GPATCH2: variants seen among roughly 807,000 people sequenced by gnomAD.
GPATCH2 encodes the protein G patch domain-containing protein 2.
Under a neutral mutation model 58.0 loss-of-function variants are expected in GPATCH2, and 51 were observed. The ratio of observed to expected loss-of-function variants is 0.88; its 90% CI spans 0.70 to 1.11. GPATCH2 has a LOEUF of 1.11. Ranked by LOEUF, GPATCH2 falls within the 50% of genes most tolerant of loss-of-function variation. The pLI is 0.00. For missense variants in GPATCH2, 625 were observed against 652.2 expected, an observed-to-expected ratio of 0.96 and a Z score of 0.45; for synonymous variants, 222 against 218.5, an observed-to-expected ratio of 1.02 and a Z score of -0.14.
chr1:217,583,584 A>T (rs2102748345), intron 5 of GPATCH2, among the ~76,000 whole-genome samples: 1 of 151,584 alleles, frequency 6.6e-6, no homozygotes. Flanking sequence ...AAAAAAAAAA[A>T]AAAAAAAGAT....
intron 8 of GPATCH2, among the ~76,000 whole-genome samples, chr1:217,463,033 A>ATT (rs1660265522): frequency 6.6e-6 from 1 of 152,188 alleles, no homozygotes; most frequent in Non-Finnish European, 1.5e-5. Flanking sequence ...GTTACCCATA[A>ATT]TTTCCCACAA....
intron 8 of GPATCH2, among the ~76,000 whole-genome samples, chr1:217,471,572 A>G (rs943292397): frequency 6.6e-6 from 1 of 152,218 alleles, no homozygotes; most frequent in Non-Finnish European, 1.5e-5. Flanking sequence ...ATCTGCAACA[A>G]AATACAGTGA....
At chr1:217,551,215 C>A (rs1039571869) in intron 5 of GPATCH2, among the ~76,000 whole-genome samples, 1 of 151,814 alleles carries the variant, frequency 6.6e-6, no homozygotes, top group African/African-American at 2.4e-5. Context: ...TAAACAAAGT[C>A]TTTGCTCTTT....
chr1:217,618,480 G>GT (rs1210846314), intron 2 of GPATCH2, among the ~76,000 whole-genome samples: 1 of 151,964 alleles, frequency 6.6e-6, no homozygotes, highest in Non-Finnish European at 1.5e-5. Context: ...AGTGCTGGGA[G>GT]TAAAGGCATG....
intron 1 of GPATCH2, among the ~76,000 whole-genome samples, chr1:217,623,881 G>T (rs1318368882): frequency 6.6e-6 from 1 of 151,870 alleles, no homozygotes; most frequent in African/African-American, 2.4e-5. Context: ...CAGCCTGGGC[G>T]AAAAGAGCAA....
At chr1:217,512,597 C>G (rs1662908862) in intron 6 of GPATCH2, among the ~76,000 whole-genome samples, 1 of 152,130 alleles carries the variant, frequency 6.6e-6, no homozygotes, top group Admixed American at 6.5e-5. Flanking sequence ...CAGGGCGAAG[C>G]CATTAAACTA....
intron 3 of GPATCH2, 52 bp downstream of exon 3, chr1:217,614,089 C>T: frequency 1.0e-6 from 1 of 983,814 alleles, no homozygotes; most frequent in Non-Finnish European, 1.6e-6. Context: ...ATAAGCTCCA[C>T]TTTAGAATGA....
At chr1:217,588,933 T>C (rs568663887) in intron 5 of GPATCH2, among the ~76,000 whole-genome samples, 8 of 152,216 alleles carry the variant, frequency 5.3e-5, no homozygotes, top group Non-Finnish European at 7.3e-5. Context: ...ATAACAGTTA[T>C]GCAGTCATCT....
intron 6 of GPATCH2, among the ~76,000 whole-genome samples, chr1:217,505,025 G>A (rs1259887626): frequency 2.6e-5 from 4 of 152,128 alleles, no homozygotes; most frequent in South Asian, 2.1e-4. Flanking sequence ...GGTTCCACAC[G>A]GGCTTCATGG....
At chr1:217,534,756 T>C (rs1362932634) in intron 5 of GPATCH2, among the ~76,000 whole-genome samples, 2 of 152,184 alleles carry the variant, frequency 1.3e-5, no homozygotes, top group African/African-American at 4.8e-5. Context: ...TACAGTTGGA[T>C]AGGGTACAAA....
chr1:217,433,692 A>G (rs189271507), intron 9 of GPATCH2, among the ~76,000 whole-genome samples: 75 of 152,290 alleles, frequency 4.9e-4, no homozygotes, highest in Middle Eastern at 3.4e-3. Context: ...CACCACACCC[A>G]AACTGTACAT....
chr1:217,431,444 C>A, intron 9 of GPATCH2, 79 bp from the exon 10 acceptor site: 1 of 861,610 alleles, frequency 1.2e-6, no homozygotes, highest in Admixed American at 1.9e-5. Flanking sequence ...CGATGTTCTC[C>A]TAAGTTTTGT....
chr1:217,547,628 C>A (rs1665129972), intron 5 of GPATCH2, among the ~76,000 whole-genome samples: 1 of 152,066 alleles, frequency 6.6e-6, no homozygotes, highest in Non-Finnish European at 1.5e-5. Flanking sequence ...AACTTAAATG[C>A]CAATCAATAA....
At chr1:217,524,466 G>T (rs1020999176) in intron 5 of GPATCH2, among the ~76,000 whole-genome samples, 2 of 152,038 alleles carry the variant, frequency 1.3e-5, no homozygotes, top group African/African-American at 4.8e-5. Flanking sequence ...GGTGGCGGCC[G>T]GGCAGAGGCT....
intron 5 of GPATCH2, among the ~76,000 whole-genome samples, chr1:217,577,047 T>C (rs1050208674): frequency 6.6e-6 from 1 of 152,216 alleles, no homozygotes; most frequent in Non-Finnish European, 1.5e-5. Flanking sequence ...ATATATTTGC[T>C]AATTGGATAA....
intron 5 of GPATCH2, among the ~76,000 whole-genome samples, chr1:217,594,147 CAT>C (rs1667714021): frequency 6.6e-6 from 1 of 152,050 alleles, no homozygotes; most frequent in South Asian, 2.1e-4. Flanking sequence ...CTGAATATAT[CAT>C]ATGTGATGCA....
intron 6 of GPATCH2, among the ~76,000 whole-genome samples, chr1:217,507,929 C>T (rs1662641548): frequency 1.3e-5 from 2 of 151,912 alleles, no homozygotes; most frequent in Non-Finnish European, 2.9e-5. Flanking sequence ...AGTAAAAATA[C>T]TAAAAACAGT....
intron 5 of GPATCH2, among the ~76,000 whole-genome samples, chr1:217,597,477 C>A (rs1433030093): frequency 6.6e-6 from 1 of 151,994 alleles, no homozygotes; most frequent in Non-Finnish European, 1.5e-5. Flanking sequence ...AAACACCAGA[C>A]TCCAGAAAAG....
rs544171041 is a variant in GPATCH2 at position 217,535,381 on chromosome 1, T to C, written c.1099-20492A>G. Among the ~76,000 whole-genome samples the C allele has an allele frequency of 1.3e-3, 193 of 152,306 alleles. 1 individual carries two copies. Among genetic ancestry groups the C allele is most frequent in the African/African-American group, 4.2e-3 (173 of 41,564 alleles). On this transcript the variant is annotated intron_variant, in intron 5 of 9. Coordinates refer to ENST00000366935, the MANE Select transcript of GPATCH2 (RefSeq NM_018040.5). Reference sequence around the variant, plus strand: ...TTTTTAAGTTAATGTACAAGATTATTATTATGATTTTTTTTTGGAGGGCAG... The same window carrying C: ...TTTTTAAGTTAATGTACAAGATTATCATTATGATTTTTTTTTGGAGGGCAG...
Sources: gnomAD v4.1 joint callset for allele counts (sites outside exome capture counted in the v4.1 genomes callset) on GRCh38, gnomAD v4.1.1 for gene constraint, MANE v1.5 for transcripts, NCBI Gene and HGNC (gene_info 2026-07-23, HGNC 2026-07-21) for gene names.